Variants in SRGAP3 observed in about 807,000 individuals in gnomAD.
The protein encoded by SRGAP3 is SLIT-ROBO Rho GTPase activating protein 3.
In SRGAP3, 39 loss-of-function variants were observed where a neutral mutation model predicts 121.1. The ratio of observed to expected loss-of-function variants is 0.32; its 90% confidence interval spans 0.25 to 0.42. The LOEUF (loss-of-function observed/expected upper bound fraction) is 0.42. SRGAP3 is among the 10% of genes least tolerant of loss of function. The probability of loss-of-function intolerance (pLI) is 1.00; values close to 1 mark genes in which losing one functional copy is unlikely to be tolerated. For missense variants in SRGAP3, 1,213 were observed against 1,470.6 expected, an observed-to-expected ratio of 0.82 and a Z score of 2.86; for synonymous variants, 601 against 570.0, an observed-to-expected ratio of 1.05 and a Z score of -0.77.
At chr3:9,210,356 C>G (rs1165887659) in intron 1 of SRGAP3, among the ~76,000 whole-genome samples, 1 of 152,158 alleles carries the variant, frequency 6.6e-6, no homozygotes, top group Non-Finnish European at 1.5e-5. Flanking sequence ...GGTGTGGTGG[C>G]TCATGCCTAC....
intron 1 of SRGAP3, among the ~76,000 whole-genome samples, chr3:9,175,145 T>A (rs1056526615): frequency 6.6e-6 from 1 of 152,134 alleles, no homozygotes; most frequent in African/African-American, 2.4e-5. Context: ...TGTTCCAACA[T>A]CATTTAAGCA....
chr3:9,220,354 T>C (rs1236531769), intron 1 of SRGAP3, among the ~76,000 whole-genome samples: 3 of 152,174 alleles, frequency 2.0e-5, no homozygotes, highest in African/African-American at 4.8e-5. Flanking sequence ...AAAGAATTCA[T>C]ATCCAGATCA....
intron 1 of SRGAP3, among the ~76,000 whole-genome samples, chr3:9,190,590 A>G (rs962370953): frequency 2.5e-4 from 38 of 152,224 alleles, no homozygotes; most frequent in Admixed American, 2.5e-3. Context: ...GCTGGCATGC[A>G]CTGAAGCTAC....
intron 3 of SRGAP3, among the ~76,000 whole-genome samples, chr3:9,097,386 T>C (rs1220930444): frequency 2.6e-5 from 4 of 152,204 alleles, no homozygotes; most frequent in Admixed American, 6.5e-5. Context: ...TGATGGAGGC[T>C]ATTATTAGCT....
intron 1 of SRGAP3, among the ~76,000 whole-genome samples, chr3:9,247,125 C>T (rs1247077769): frequency 6.6e-6 from 1 of 152,176 alleles, no homozygotes; most frequent in Non-Finnish European, 1.5e-5. Flanking sequence ...TCTCTCAAGG[C>T]ATTTTCATGG....
intron 14 of SRGAP3, among the ~76,000 whole-genome samples, chr3:9,022,197 A>G (rs1462087416): frequency 6.6e-6 from 1 of 152,174 alleles, no homozygotes; most frequent in Non-Finnish European, 1.5e-5. Context: ...GCAAGGTGGC[A>G]CACGCCTGTA....
chr3:9,119,717 T>C (rs1257231892), intron 2 of SRGAP3, among the ~76,000 whole-genome samples: 2 of 152,236 alleles, frequency 1.3e-5, no homozygotes, highest in Non-Finnish European at 2.9e-5. Context: ...GCTGCTGTCC[T>C]GCTCTCTAGA....
At chr3:9,037,355 T>C (rs992781171) in intron 11 of SRGAP3, 10 of 152,454 alleles carry the variant, frequency 6.6e-5, no homozygotes, top group African/African-American at 2.4e-4. Flanking sequence ...GAGCCACTTA[T>C]GGATCTAAGC....
chr3:9,343,376 G>A (rs2125290980), intron 1 of SRGAP3, among the ~76,000 whole-genome samples: 1 of 152,166 alleles, frequency 6.6e-6, no homozygotes, highest in East Asian at 1.9e-4. Context: ...CCATGACCTT[G>A]GTTCTTACTT....
intron 4 of SRGAP3, among the ~76,000 whole-genome samples, chr3:9,070,285 C>T (rs1432664088): frequency 6.6e-6 from 1 of 152,250 alleles, no homozygotes; most frequent in African/African-American, 2.4e-5. Flanking sequence ...ATGATGCAGT[C>T]CCTGTGTGCT....
intron 5 of SRGAP3, among the ~76,000 whole-genome samples, chr3:9,062,877 G>A (rs1946241419): frequency 6.6e-6 from 1 of 152,062 alleles, no homozygotes; most frequent in African/African-American, 2.4e-5. Flanking sequence ...TTTCTTGGGT[G>A]GATACCTAGG....
At chr3:9,013,220 G>T in intron 17 of SRGAP3, 88 bp downstream of exon 17, 1 of 1,309,892 alleles carries the variant, frequency 7.6e-7, no homozygotes, top group Non-Finnish European at 1.1e-6. Flanking sequence ...CTATCAAGCA[G>T]TAAGAAAACT....
At chr3:9,332,678 A>C (rs929730330) in intron 1 of SRGAP3, among the ~76,000 whole-genome samples, 18 of 152,192 alleles carry the variant, frequency 1.2e-4, no homozygotes, top group Non-Finnish European at 2.4e-4. Context: ...AAACCAATTA[A>C]TTTTTTTCCT....
At chr3:9,335,023 A>C (rs561116458) in intron 1 of SRGAP3, among the ~76,000 whole-genome samples, 2 of 152,334 alleles carry the variant, frequency 1.3e-5, no homozygotes, top group Non-Finnish European at 2.9e-5. Context: ...GGCCTATGGG[A>C]ACTCTGCCAA....
At chr3:9,208,599 GC>G (rs1952342904) in intron 1 of SRGAP3, among the ~76,000 whole-genome samples, 1 of 152,162 alleles carries the variant, frequency 6.6e-6, no homozygotes, top group Admixed American at 6.5e-5. Context: ...CAAGTCAGTG[GC>G]CTTCTCACCA....
intron 3 of SRGAP3, among the ~76,000 whole-genome samples, chr3:9,096,321 G>A (rs1947964141): frequency 6.6e-6 from 1 of 152,150 alleles, no homozygotes; most frequent in Non-Finnish European, 1.5e-5. Context: ...CTTCTGGGAT[G>A]CAGCTAATTT....
intron 2 of SRGAP3, among the ~76,000 whole-genome samples, chr3:9,111,388 G>A (rs1467221387): frequency 2.0e-5 from 3 of 152,230 alleles, no homozygotes; most frequent in South Asian, 2.1e-4. Context: ...GTGGGCTGGC[G>A]GGAGAAGGCT....
chr3:9,025,598 T>A (rs1226346974), intron 13 of SRGAP3, among the ~76,000 whole-genome samples: 3 of 152,200 alleles, frequency 2.0e-5, no homozygotes, highest in African/African-American at 7.2e-5. Context: ...GAAGTTTGTA[T>A]CAATACCTTT....
chr3:9,018,592 T>C (rs1413695799), intron 14 of SRGAP3, among the ~76,000 whole-genome samples: 1 of 152,196 alleles, frequency 6.6e-6, no homozygotes, highest in Non-Finnish European at 1.5e-5. Flanking sequence ...TTGCATGAAA[T>C]GTATACTTCA....
Sources: allele counts gnomAD v4.1 joint callset (sites outside exome capture counted in the v4.1 genomes callset), GRCh38; gene constraint gnomAD v4.1.1; transcripts MANE v1.5; gene names NCBI Gene and HGNC (gene_info 2026-07-23, HGNC 2026-07-21).